Variants in DLG2 observed in about 807,000 individuals in gnomAD.
DLG2 encodes the protein discs large MAGUK scaffold protein 2.
In DLG2, 45 loss-of-function variants were observed where a neutral mutation model predicts 132.5. The observed-to-expected ratio is 0.34, with a 90% confidence interval of 0.27 to 0.44. The LOEUF (loss-of-function observed/expected upper bound fraction) is 0.44. DLG2 is among the 20% of genes least tolerant of loss of function. DLG2 has a pLI of 1.00. For synonymous variants in DLG2, 424 were observed against 419.6 expected, an observed-to-expected ratio of 1.01 and a Z score of -0.13; for missense variants, 1,045 against 1,196.9, an observed-to-expected ratio of 0.87 and a Z score of 1.87.
At chr11:83,742,386 T>C (rs1023968064) in intron 18 of DLG2, among the ~76,000 whole-genome samples, 2 of 152,086 alleles carry the variant, frequency 1.3e-5, no homozygotes, top group East Asian at 1.9e-4. Flanking sequence ...GAAAAATAAA[T>C]AGTACTCTAA....
chr11:85,319,698 T>C (rs1448774975), intron 3 of DLG2, among the ~76,000 whole-genome samples: 9 of 151,790 alleles, frequency 5.9e-5, no homozygotes, highest in Admixed American at 5.9e-4. Flanking sequence ...CCAAGACAGG[T>C]CACTGAGGCA....
intron 6 of DLG2, among the ~76,000 whole-genome samples, chr11:84,962,971 T>C (rs369491409): frequency 1.3e-5 from 2 of 152,170 alleles, no homozygotes; most frequent in African/African-American, 2.4e-5. Context: ...TATCTTGAAG[T>C]AGTTAGAGAG....
intron 10 of DLG2, among the ~76,000 whole-genome samples, chr11:84,092,251 T>C (rs949756911): frequency 7.9e-5 from 12 of 152,234 alleles, no homozygotes; most frequent in Admixed American, 2.6e-4. Flanking sequence ...ACACTGTCCA[T>C]CCCTGGCTGC....
intron 6 of DLG2, chr11:84,639,943 A>G (rs929696862): frequency 6.1e-5 from 12 of 197,608 alleles, no homozygotes; most frequent in Non-Finnish European, 1.1e-4. Flanking sequence ...CCTATGAACT[A>G]TTTCAATTCT....
intron 11 of DLG2, among the ~76,000 whole-genome samples, chr11:84,039,430 T>G (rs905748588): frequency 7.8e-6 from 1 of 128,066 alleles, no homozygotes; most frequent in Non-Finnish European, 1.6e-5. Flanking sequence ...CCATGTGATC[T>G]CATTGTTCAA....
At chr11:84,670,980 TGCA>T (rs1299437824) in intron 6 of DLG2, among the ~76,000 whole-genome samples, 1 of 152,170 alleles carries the variant, frequency 6.6e-6, no homozygotes, top group East Asian at 1.9e-4. Context: ...TACAACCTCT[TGCA>T]GCAGCAAGTA....
chr11:84,641,712 A>G (rs1321379605), intron 6 of DLG2, among the ~76,000 whole-genome samples: 1 of 152,162 alleles, frequency 6.6e-6, no homozygotes, highest in African/African-American at 2.4e-5. Context: ...ACCTTGGGCA[A>G]GAGCTTAATC....
chr11:84,619,621 G>A (rs761482077), intron 6 of DLG2, among the ~76,000 whole-genome samples: 4 of 150,826 alleles, frequency 2.7e-5, no homozygotes, highest in Non-Finnish European at 5.9e-5. Flanking sequence ...AACACAATAG[G>A]GGAGAAAAAT....
intron 23 of DLG2, among the ~76,000 whole-genome samples, chr11:83,472,134 T>C (rs1019964850): frequency 2.0e-5 from 3 of 152,164 alleles, no homozygotes; most frequent in Non-Finnish European, 2.9e-5. Context: ...TAACATCTTA[T>C]GTTTTCATGA....
intron 18 of DLG2, among the ~76,000 whole-genome samples, chr11:83,675,975 T>A (rs1392619364): frequency 9.2e-5 from 14 of 152,200 alleles, no homozygotes; most frequent in Admixed American, 9.2e-4. Flanking sequence ...TATTGTACAT[T>A]TCACAAGTTA....
intron 8 of DLG2, among the ~76,000 whole-genome samples, chr11:84,167,822 A>G (rs555403211): frequency 1.3e-5 from 2 of 152,228 alleles, no homozygotes; most frequent in Admixed American, 1.3e-4. Flanking sequence ...ATGCACCACC[A>G]TGCCAAGCTA....
In DLG2 at chr11:85,277,984, G is replaced by A. The variant is rs576245112; in HGVS notation, c.186+7236C>T. 4.3e-4 allele frequency among the ~76,000 whole-genome samples: 66 copies of A among 152,236 alleles called. 1 individual carries two copies. The highest frequency in any genetic ancestry group is 2.0e-3 in the Admixed American group (30 of 15,280). On this transcript the variant is annotated intron_variant, in intron 4 of 27. Coordinates refer to ENST00000376104, the MANE Select transcript of DLG2 (RefSeq NM_001142699.3). ...ATAAAAACCTTCTGTGGCTCACAAC[G>A]ACCTGAAGAAAAGCATTTAAATGCT...
intron 11 of DLG2, among the ~76,000 whole-genome samples, chr11:83,990,297 T>C (rs754693724): frequency 3.9e-5 from 6 of 152,142 alleles, no homozygotes; most frequent in Non-Finnish European, 7.4e-5. Context: ...ACATCAATTA[T>C]AGAAAGCTGG....
intron 3 of DLG2, among the ~76,000 whole-genome samples, chr11:85,478,589 C>A (rs2153086103): frequency 6.6e-6 from 1 of 152,204 alleles, no homozygotes; most frequent in Non-Finnish European, 1.5e-5. Context: ...ATTATGTGAC[C>A]TTGAACAATT....
intron 6 of DLG2, among the ~76,000 whole-genome samples, chr11:84,703,044 G>A (rs1421244219): frequency 6.6e-6 from 1 of 151,516 alleles, no homozygotes; most frequent in Non-Finnish European, 1.5e-5. Context: ...TCAAAACAGG[G>A]AGTTTATACT....
At chr11:85,032,186 T>C (rs1040085444) in intron 6 of DLG2, among the ~76,000 whole-genome samples, 1 of 152,114 alleles carries the variant, frequency 6.6e-6, no homozygotes, top group African/African-American at 2.4e-5. Context: ...TTTCATACCA[T>C]ATTTATTCAT....
intron 9 of DLG2, among the ~76,000 whole-genome samples, chr11:84,139,167 C>T (rs2154234939): frequency 6.6e-6 from 1 of 152,244 alleles, no homozygotes; most frequent in South Asian, 2.1e-4. Flanking sequence ...TCCCCTTCTA[C>T]CTTTAATCTC....
intron 7 of DLG2, among the ~76,000 whole-genome samples, chr11:84,367,806 C>G (rs370184334): frequency 1.2e-4 from 18 of 152,098 alleles, no homozygotes; most frequent in African/African-American, 4.3e-4. Flanking sequence ...AGGACCTTAA[C>G]GAATAAATTT....
chr11:84,379,970 C>T (rs1399621), intron 7 of DLG2, among the ~76,000 whole-genome samples: 55 of 151,640 alleles, frequency 3.6e-4, no homozygotes, highest in Non-Finnish European at 7.4e-4. Context: ...GGTAGATTAC[C>T]TAAAGTAACA....
Sources: gnomAD v4.1 joint callset for allele counts (sites outside exome capture counted in the v4.1 genomes callset) on GRCh38, gnomAD v4.1.1 for gene constraint, MANE v1.5 for transcripts, NCBI Gene and HGNC (gene_info 2026-07-23, HGNC 2026-07-21) for gene names.